PCDHGA1: variants seen among roughly 807,000 people sequenced by gnomAD.
PCDHGA1 encodes the protein protocadherin gamma-A1.
In PCDHGA1, 32 loss-of-function variants were observed where a neutral mutation model predicts 58.0. That is an observed-to-expected ratio of 0.55 (90% CI 0.42 to 0.74). PCDHGA1 has a LOEUF of 0.74. PCDHGA1 is among the 30% of genes least tolerant of loss of function. The pLI is 0.00. For missense variants in PCDHGA1, 1,205 were observed against 1,182.3 expected, an observed-to-expected ratio of 1.02 and a Z score of -0.28; for synonymous variants, 498 against 501.1, an observed-to-expected ratio of 0.99 and a Z score of 0.08.
rs116469894 is a variant in PCDHGA1, at chr5:141,332,219, G to C, written c.1535G>C (p.Gly512Ala). ...SAYLSINSDT[G>A]VLYALRSFDY... ...TACCTCTCCATCAACTCCGACACTG[G>C]GGTCCTGTATGCGCTGCGATCCTTC... The change falls in exon 1 of 4, where the codon GGG becomes GCG. Residue 512 changes from glycine (G) to alanine (A), a missense_variant. Physicochemically the swap from Gly to Ala is moderately conservative, Grantham distance 60. Coordinates refer to ENST00000517417, the MANE Select transcript of PCDHGA1 (RefSeq NM_018912.3). This position sits in a 1 kb window ranked among gnomAD's most constrained non-coding sequence, Gnocchi z 4.6. 1.9e-6 allele frequency: 3 copies of C among 1,614,178 alleles called. No homozygotes were observed. In the South Asian group the frequency reaches 3.3e-5, roughly 18 times the overall value.
intron 1 of PCDHGA1, chr5:141,404,037 A>T: frequency 6.2e-7 from 1 of 1,613,888 alleles, no homozygotes; most frequent in East Asian, 2.2e-5. Context: ...GACGCACCTC[A>T]GGGAACAGTA....
chr5:141,353,795 T>C (rs1759386417), intron 1 of PCDHGA1, among the ~76,000 whole-genome samples: 1 of 152,218 alleles, frequency 6.6e-6, no homozygotes. Flanking sequence ...TTTCCAAACA[T>C]CTTATTTCAC....
intron 1 of PCDHGA1, chr5:141,441,955 A>G: frequency 3.1e-6 from 1 of 320,028 alleles, no homozygotes; most frequent in Non-Finnish European, 6.0e-6. Context: ...GCAGGCCAGC[A>G]AGCCCAGGCT....
chr5:141,415,492 A>G lies in PCDHGA1; in HGVS notation c.2422-79315A>G, dbSNP rs373866182. 4 of 1,614,154 alleles carry G rather than the reference A, an allele frequency of 2.5e-6. No individual in the cohort carries two copies. The African/African-American group carries it at 4.0e-5, about 16-fold the overall frequency. On this transcript the variant is annotated intron_variant, in intron 1 of 3. Transcript: ENST00000517417. Reference sequence around the variant, plus strand: ...CGCGGACTCGCGAAAGAGTCACCTGATCTTCCCCCAGCCCAATTATGCGGA... The same window carrying G: ...CGCGGACTCGCGAAAGAGTCACCTGGTCTTCCCCCAGCCCAATTATGCGGA...
At position 141,487,688 on chromosome 5, in the gene PCDHGA1, G is replaced by A. The variant is rs376927186; in HGVS notation, c.2422-7119G>A. On this transcript the variant is annotated intron_variant, in intron 1 of 3. Coordinates refer to ENST00000517417, the MANE Select transcript of PCDHGA1 (RefSeq NM_018912.3). The surrounding 1 kb of genome is among the most constrained non-coding windows in gnomAD (Gnocchi z 5.0). ...AGGCATATGGCTAGGCCATGTCCTA[G>A]AGAGTACTGGCCTCTCAGTAAGTGC... 6.2e-7 allele frequency: 1 copy of A among 1,604,966 alleles called. No homozygotes were observed.
At chr5:141,364,592 G>A in intron 1 of PCDHGA1, 1 of 1,614,210 alleles carries the variant, frequency 6.2e-7, no homozygotes, top group East Asian at 2.2e-5. Flanking sequence ...GGTCACCGCG[G>A]GCAGGATAGA....
At chr5:141,399,464 C>G in intron 1 of PCDHGA1, 1 of 1,614,018 alleles carries the variant, frequency 6.2e-7, no homozygotes, top group Non-Finnish European at 8.5e-7. Flanking sequence ...GATAACGCTC[C>G]GGTTTTCCAC....
Position 141,387,890 on chromosome 5 carries a change from G to A in PCDHGA1, c.2421+54785G>A, listed in dbSNP as rs541321171. On this transcript the variant is annotated intron_variant, in intron 1 of 3. Coordinates refer to ENST00000517417, the MANE Select transcript of PCDHGA1 (RefSeq NM_018912.3). ...AGCTGAGGAGAGCAAGAGGGATGGG[G>A]AGCGGCGCCGGGGAGCTGGGCCGGG... The A allele has an allele frequency of 1.9e-6, 3 of 1,554,976 alleles. No homozygotes were observed. The South Asian group carries it at 3.7e-5, about 19-fold the overall frequency.
chr5:141,428,459 A>G (rs1322945046), intron 1 of PCDHGA1: 2 of 350,154 alleles, frequency 5.7e-6, no homozygotes, highest in Non-Finnish European at 1.1e-5. Flanking sequence ...CCCAACTACA[A>G]TGAGGGAACT....
At chr5:141,365,966 G>A (rs781156882) in intron 1 of PCDHGA1, 24 of 1,614,222 alleles carry the variant, frequency 1.5e-5, no homozygotes, top group Non-Finnish European at 2.0e-5. Flanking sequence ...TAGCAGCAAC[G>A]TGTCGCTGAG....
At chr5:141,341,751 T>C (rs1757085383) in intron 1 of PCDHGA1, 1 of 417,074 alleles carries the variant, frequency 2.4e-6, no homozygotes, top group South Asian at 4.1e-5. Context: ...AATATAAAGA[T>C]TGGAGTTTAT....
At chr5:141,353,088 G>C (rs1588498543) in intron 1 of PCDHGA1, among the ~76,000 whole-genome samples, 1 of 152,128 alleles carries the variant, frequency 6.6e-6, no homozygotes, top group East Asian at 1.9e-4. Context: ...TCTACTGCGG[G>C]AGGGGGTACT....
At chr5:141,446,837 T>G (rs2098518039) in intron 1 of PCDHGA1, among the ~76,000 whole-genome samples, 1 of 152,168 alleles carries the variant, frequency 6.6e-6, no homozygotes, top group South Asian at 2.1e-4. Flanking sequence ...CTTATAAGGC[T>G]GAGCATAATA....
At chr5:141,378,050 A>C (rs1339661342) in intron 1 of PCDHGA1, 2 of 152,190 alleles carry the variant, frequency 1.3e-5, no homozygotes, top group Admixed American at 1.3e-4. Context: ...TTCCTTATCT[A>C]TCTGACTCAA....
intron 1 of PCDHGA1, chr5:141,370,178 C>T (rs1214381916): frequency 2.6e-5 from 12 of 463,756 alleles, no homozygotes; most frequent in Non-Finnish European, 4.5e-5. Context: ...CGCCGGGTGC[C>T]GCTCTTGGCT....
At chr5:141,464,931 G>T (rs2099093694) in intron 1 of PCDHGA1, among the ~76,000 whole-genome samples, 1 of 151,942 alleles carries the variant, frequency 6.6e-6, no homozygotes, top group Non-Finnish European at 1.5e-5. Context: ...GTAGAGATGT[G>T]AGGTCTCACT....
chr5:141,421,358 C>T (rs2096566137), intron 1 of PCDHGA1: 1 of 1,613,870 alleles, frequency 6.2e-7, no homozygotes, highest in Non-Finnish European at 8.5e-7. Context: ...GAAAAGGGCT[C>T]CTTCGTGGGC....
In PCDHGA1 at chr5:141,413,451, C is replaced by T. The variant is rs1561742650; in HGVS notation, c.2421+80346C>T. 6.2e-6 allele frequency: 10 copies of T among 1,614,118 alleles called. No homozygotes were observed. The South Asian group carries it at 1.1e-4, about 18-fold the overall frequency. ...GCAGCGGCAGCTTGATCACCGCGGGCAGGATAGACCGGGAGGAGCTCTGCG... is the reference window on the plus strand; with the variant it reads ...GCAGCGGCAGCTTGATCACCGCGGGTAGGATAGACCGGGAGGAGCTCTGCG... On this transcript the variant is annotated intron_variant, in intron 1 of 3. Transcript: ENST00000517417.
At chr5:141,384,418 A>G (rs761365195) in intron 1 of PCDHGA1, 4 of 1,613,972 alleles carry the variant, frequency 2.5e-6, no homozygotes, top group Non-Finnish European at 3.4e-6. Context: ...CTATGTCTCC[A>G]TAAACTCTGA....
Sources: gnomAD v4.1 joint callset for allele counts (sites outside exome capture counted in the v4.1 genomes callset) on GRCh38, gnomAD v4.1.1 for gene constraint, Gnocchi (gnomAD v3.1) non-coding constraint, MANE v1.5 for transcripts, NCBI Gene and HGNC (gene_info 2026-07-23, HGNC 2026-07-21) for gene names.